The following METTL21C variants were observed in gnomAD, a reference collection of about 807,000 sequenced individuals.
METTL21C encodes protein-lysine methyltransferase METTL21C.
Under a neutral mutation model 25.9 loss-of-function variants are expected in METTL21C, and 21 were observed. The ratio of observed to expected loss-of-function variants is 0.81; its 90% confidence interval spans 0.58 to 1.17. The LOEUF (loss-of-function observed/expected upper bound fraction) is 1.17. Among genes scored for constraint, METTL21C ranks in the 50% most tolerant of loss-of-function variants. The pLI is 0.00. For missense variants in METTL21C, 312 were observed against 315.1 expected, an observed-to-expected ratio of 0.99 and a Z score of 0.07; for synonymous variants, 125 against 124.7, an observed-to-expected ratio of 1.00 and a Z score of -0.01.
upstream of METTL21C, among the ~76,000 whole-genome samples, chr13:102,698,518 G>T (rs992127679): frequency 6.6e-6 from 1 of 151,982 alleles, no homozygotes; most frequent in East Asian, 1.9e-4. Context: ...ATTCTTTCAC[G>T]TCCTACATGC....
chr13:102,697,498 G>A (rs1249745700), upstream of METTL21C, among the ~76,000 whole-genome samples: 2 of 152,202 alleles, frequency 1.3e-5, no homozygotes, highest in Non-Finnish European at 2.9e-5. Context: ...CAAAGGATCA[G>A]CATTGCCATG....
rs541246579 is a variant in METTL21C at position 102,689,874 on chromosome 13, A to G, written c.282+939T>C. 3.3e-5 allele frequency among the ~76,000 whole-genome samples: 5 copies of G among 152,320 alleles called. No individual in the cohort carries two copies. The East Asian group carries it at 7.7e-4, about 23-fold the overall frequency. On this transcript the variant is annotated intron_variant, in intron 2 of 3. Transcript: ENST00000267273. The stretch of plus-strand genomic sequence containing the variant: ...CTCACAATCTGAAATTAATTCTCAC[A>G]ATTCTGACAACCACGTCAGGAGCAC...
chr13:102,692,838 G>T (rs1303956257), intron 1 of METTL21C, among the ~76,000 whole-genome samples: 1 of 152,158 alleles, frequency 6.6e-6, no homozygotes, highest in African/African-American at 2.4e-5. Flanking sequence ...TAGGGAGATT[G>T]TAGGGAAAGG....
At chr13:102,687,288 A>G (rs936124386) in intron 2 of METTL21C, among the ~76,000 whole-genome samples, 37 of 152,206 alleles carry the variant, frequency 2.4e-4, no homozygotes, top group African/African-American at 8.7e-4. Context: ...ATTGCCTCCT[A>G]AATCTCCAAA....
At chr13:102,686,479 A>C (rs897874531) in intron 3 of METTL21C, 54 bp from the exon 4 acceptor site, 10 of 1,537,530 alleles carry the variant, frequency 6.5e-6, no homozygotes, top group Admixed American at 2.1e-5. Context: ...CACAGTGTAC[A>C]TATACCCAGG....
the METTL21C span, among the ~76,000 whole-genome samples, chr13:102,701,288 C>T: frequency 6.6e-6 from 1 of 152,124 alleles, no homozygotes; most frequent in Non-Finnish European, 1.5e-5. Flanking sequence ...CCTAGATGCG[C>T]CTCTTCAGCT....
Position 102,685,850 on chromosome 13 carries a change from G to A in METTL21C, c.*181C>T. 1 of 568,572 alleles carries A rather than the reference G, an allele frequency of 1.8e-6. No individual in the cohort carries two copies. The allele number at this position is 568,572 out of a possible 1,614,324, so 35.2% of individuals were successfully genotyped here. A position where few individuals can be genotyped will look rare whatever the true frequency, so the allele number is the denominator to read the frequency against. On this transcript the variant is annotated 3_prime_UTR_variant, in exon 4 of 4. Transcript: ENST00000267273. ...TCTTTTTAGATATTTAGATTAACCA[G>A]ATAATCTTAAATTATCTTAGAAATT...
At position 102,694,892 on chromosome 13, in the gene METTL21C, T is replaced by TCACACACA. The variant is rs761211998; in HGVS notation, c.-395_-394insTGTGTGTG. 2.0e-3 allele frequency among the ~76,000 whole-genome samples: 278 copies of TCACACACA among 142,442 alleles called. 1 individual carries two copies. Among genetic ancestry groups the TCACACACA allele is most frequent in the Middle Eastern group, 3.5e-3 (1 of 288 alleles). The allele number at this position is 142,442 out of a possible 152,430, so 93.4% of individuals were successfully genotyped here. ...CTCTCTTTCTCTCTCTCTCTCTCTCTCTCTCTCTCACACACACACACACAC... is the reference window on the plus strand; with the variant it reads ...CTCTCTTTCTCTCTCTCTCTCTCTCTCACACACACTCTCTCTCACACACACACACACAC... On this transcript the variant is annotated 5_prime_UTR_variant, in exon 1 of 4. Coordinates refer to ENST00000267273, the MANE Select transcript of METTL21C (RefSeq NM_001010977.3).
chr13:102,687,999 G>A (rs1040611166), intron 2 of METTL21C, among the ~76,000 whole-genome samples: 1 of 152,146 alleles, frequency 6.6e-6, no homozygotes, highest in Non-Finnish European at 1.5e-5. Flanking sequence ...GGAGAGATTA[G>A]GAAGAGTTAT....
At chr13:102,704,212 G>A in the METTL21C span, among the ~76,000 whole-genome samples, 1 of 152,166 alleles carries the variant, frequency 6.6e-6, no homozygotes, top group African/African-American at 2.4e-5. Flanking sequence ...TTCCCAGATG[G>A]ATATTCTCAG....
intron 2 of METTL21C, 105 bp from the exon 3 acceptor site, chr13:102,687,162 A>C: frequency 1.2e-5 from 10 of 810,378 alleles, no homozygotes; most frequent in Non-Finnish European, 2.1e-5. Flanking sequence ...GTTATTACAT[A>C]TGTTCAGTTT....
intron 1 of METTL21C, among the ~76,000 whole-genome samples, chr13:102,693,275 CTATT>C (rs900827464): frequency 3.3e-5 from 5 of 152,134 alleles, no homozygotes; most frequent in Non-Finnish European, 7.3e-5. Context: ...TTAATATAAT[CTATT>C]TAATCATAAG....
Position 102,690,906 on chromosome 13 carries a change from G to C in METTL21C, c.189C>G (p.Tyr63Ter), listed in dbSNP as rs140891650. 62 of 1,613,964 alleles carry C rather than the reference G, an allele frequency of 3.8e-5. 1 individual carries two copies. In the Middle Eastern group the frequency reaches 2.8e-3, roughly 73 times the overall value. Reference protein sequence around the residue: ...HSLQKFVPTDYASYTQEHYRF... With the variant: ...HSLQKFVPTD ...GATAATGCTCCTGAGTGTAGCTGGC[G>C]TAATCTGTAGGAACAAATTTCTGGA... The change falls in exon 2 of 4, where the codon TAC (tyrosine) becomes TAG (stop). Residue 63 changes from tyrosine (Y) to a stop codon, truncating the protein, a stop_gained. Coordinates refer to ENST00000267273, the MANE Select transcript of METTL21C (RefSeq NM_001010977.3). LOFTEE classifies it high-confidence loss of function.
the METTL21C span, among the ~76,000 whole-genome samples, chr13:102,700,104 C>T: frequency 8.2e-3 from 1,245 of 152,314 alleles, 3 homozygotes; most frequent in Non-Finnish European, 0.014. Context: ...AGATGACCAA[C>T]ATTACCAGTG....
rs1885674625 is a variant in METTL21C at position 102,686,400 on chromosome 13, C to G, written c.426G>C (p.Leu142Phe). 1 of 1,612,792 alleles carries G rather than the reference C, an allele frequency of 6.2e-7. No individual in the cohort carries two copies. Among genetic ancestry groups the G allele is most frequent in the Middle Eastern group, 1.7e-4 (1 of 6,056 alleles). ...ILGAQVTATD[L>F]PDVLGNLQYN... ...ATTGAAGGTTTCCCAGGACATCAGG[C>G]AAATCTGTTGCTGTGACTTGAGCTC... The change falls in exon 4 of 4, where the codon TTG becomes TTC. Residue 142 changes from leucine to phenylalanine, a missense_variant. Transcript: ENST00000267273.
At position 102,694,613 on chromosome 13, in the gene METTL21C, G is replaced by T; in HGVS notation, c.-115C>A. The T allele has an allele frequency of 6.0e-6, 1 of 165,938 alleles. No homozygotes were observed. Among genetic ancestry groups the T allele is most frequent in the Non-Finnish European group, 8.2e-6 (1 of 122,562 alleles). The allele number at this position is 165,938 out of a possible 1,614,324, so 10.3% of individuals were successfully genotyped here. A position where few individuals can be genotyped will look rare whatever the true frequency, so the allele number is the denominator to read the frequency against. On this transcript the variant is annotated 5_prime_UTR_variant, in exon 1 of 4. Transcript: ENST00000267273. ...CATCTATGATCTACATCGCATGTTCGTAATTAATACAGAATTGGAAATGAC... is the reference window on the plus strand; with the variant it reads ...CATCTATGATCTACATCGCATGTTCTTAATTAATACAGAATTGGAAATGAC...
upstream of METTL21C, among the ~76,000 whole-genome samples, chr13:102,699,716 A>G (rs1886002301): frequency 6.6e-6 from 1 of 152,206 alleles, no homozygotes; most frequent in Non-Finnish European, 1.5e-5. Flanking sequence ...ATGCAATTTC[A>G]TAACTTCTGG....
chr13:102,699,364 C>G (rs1352170092), upstream of METTL21C, among the ~76,000 whole-genome samples: 1 of 152,188 alleles, frequency 6.6e-6, no homozygotes, highest in Non-Finnish European at 1.5e-5. Flanking sequence ...TCTTCCATAA[C>G]AGGCACATGA....
chr13:102,696,917 G>C (rs575286824), upstream of METTL21C, among the ~76,000 whole-genome samples: 1 of 152,248 alleles, frequency 6.6e-6, no homozygotes, highest in Admixed American at 6.5e-5. Flanking sequence ...GGGATTGACG[G>C]GGGGCAGGGC....
Sources: allele counts gnomAD v4.1 joint callset (sites outside exome capture counted in the v4.1 genomes callset), GRCh38; gene constraint gnomAD v4.1.1; transcripts MANE v1.5; gene names NCBI Gene and HGNC (gene_info 2026-07-23, HGNC 2026-07-21).